The following ZNF282 variants were observed in gnomAD, a reference collection of about 807,000 sequenced individuals.
ZNF282 encodes HTLV-I U5 repressive element-binding protein 1.
ZNF282 carries 30 observed loss-of-function variants against 61.9 expected under a neutral mutation model. The ratio of observed to expected loss-of-function variants is 0.48; its 90% CI spans 0.36 to 0.66. The LOEUF is 0.66. Ranked by LOEUF, ZNF282 falls within the 30% of genes least tolerant of loss-of-function variation. ZNF282 has a pLI of 0.00. For synonymous variants in ZNF282, 396 were observed against 405.0 expected, an observed-to-expected ratio of 0.98 and a Z score of 0.27; for missense variants, 788 against 941.4, an observed-to-expected ratio of 0.84 and a Z score of 2.13.
At chr7:149,197,915 G>A (rs1335001011) in intron 1 of ZNF282, among the ~76,000 whole-genome samples, 1 of 152,262 alleles carries the variant, frequency 6.6e-6, no homozygotes, top group Non-Finnish European at 1.5e-5. Flanking sequence ...AACCTGCTGA[G>A]AGATTGCTGG....
intron 7 of ZNF282, among the ~76,000 whole-genome samples, chr7:149,218,319 T>A (rs1796190509): frequency 6.6e-6 from 1 of 152,164 alleles, no homozygotes; most frequent in Non-Finnish European, 1.5e-5. Flanking sequence ...CAGATTCAGA[T>A]GCACTTTGAG....
rs1311840427 is a variant in ZNF282 at position 149,224,607 on chromosome 7, G to A, written c.1976G>A (p.Gly659Asp). 7.7e-6 allele frequency: 12 copies of A among 1,552,536 alleles called. No homozygotes were observed. Among genetic ancestry groups the A allele is most frequent in the African/African-American group, 1.4e-5 (1 of 73,470 alleles). Residue 659 changes from glycine (G) to aspartate (D), a missense_variant, in exon 8 of 8, where the codon GGC (glycine) becomes GAC (aspartate). By Grantham distance (94) the Gly-to-Asp change is moderately conservative. Around this residue, in one of 3 missense-constraint regions of ZNF282, gnomAD observed 559 missense variants for 642.0 expected, o/e 0.87. Coordinates refer to ENST00000610704, the MANE Select transcript of ZNF282 (RefSeq NM_003575.4). ...GTGCACAGCGGCGGCCCGGGCCCCG[G>A]CGCCCCACGGCAGCTCCCGCCGCCT... The part of the protein sequence containing the change: ...LRVHSGGPGP[G>D]APRQLPPPPE...
At chr7:149,212,296 C>A in intron 5 of ZNF282, 62 bp from the exon 6 acceptor site, 2 of 1,159,886 alleles carry the variant, frequency 1.7e-6, no homozygotes, top group South Asian at 1.5e-5. Context: ...TTACTCAAAA[C>A]ACAAACTTGC....
chr7:149,199,418 C>A (rs900099895), intron 2 of ZNF282, among the ~76,000 whole-genome samples: 3 of 151,900 alleles, frequency 2.0e-5, no homozygotes, highest in Non-Finnish European at 4.4e-5. Context: ...CAGGAGGTCA[C>A]CCCCAGCGTC....
chr7:149,223,698 G>C, intron 7 of ZNF282, 114 bp from the exon 8 acceptor site: 1 of 1,166,286 alleles, frequency 8.6e-7, no homozygotes, highest in Non-Finnish European at 1.1e-6. Flanking sequence ...GCAATCCCTC[G>C]TAGTTAGTGG....
chr7:149,202,801 G>T (rs1449445272), intron 2 of ZNF282, among the ~76,000 whole-genome samples: 1 of 152,114 alleles, frequency 6.6e-6, no homozygotes, highest in African/African-American at 2.4e-5. Flanking sequence ...TTCTTGGTTG[G>T]TTTTCCCCAA....
At chr7:149,211,842 A>C (rs1796089860) in intron 5 of ZNF282, among the ~76,000 whole-genome samples, 1 of 152,208 alleles carries the variant, frequency 6.6e-6, no homozygotes, top group Admixed American at 6.5e-5. Flanking sequence ...AGAAGGCAAT[A>C]AGGTGTAAAT....
At chr7:149,213,844 G>T in intron 7 of ZNF282, 30 bp downstream of exon 7, 2 of 1,549,576 alleles carry the variant, frequency 1.3e-6, no homozygotes, top group South Asian at 2.2e-5. Flanking sequence ...AGACCCTGGG[G>T]TTTCTTCTCT....
At chr7:149,209,675 T>C (rs1247777074) in intron 4 of ZNF282, among the ~76,000 whole-genome samples, 1 of 152,130 alleles carries the variant, frequency 6.6e-6, no homozygotes, top group Non-Finnish European at 1.5e-5. Context: ...ACTCATCCAC[T>C]GAGTTGGTGC....
chr7:149,199,294 G>A (rs1455923292), intron 2 of ZNF282, among the ~76,000 whole-genome samples: 2 of 152,106 alleles, frequency 1.3e-5, no homozygotes, highest in African/African-American at 2.4e-5. Context: ...CTGAGAGAAC[G>A]GAGTCACCCA....
Position 149,198,611 on chromosome 7 carries a change from G to A in ZNF282, c.444G>A (p.Glu148=), listed in dbSNP as rs201364526. The change falls in exon 2 of 8, where the codon GAG becomes GAA. Residue 148 remains glutamate (E), a synonymous_variant. Coordinates refer to ENST00000610704, the MANE Select transcript of ZNF282 (RefSeq NM_003575.4). The surrounding 1 kb of genome is among the most constrained non-coding windows in gnomAD (Gnocchi z 4.3). ...KTAVEFGNHM[E]SKWAVLGTLL... is the part of the protein sequence containing the mutation. ...CCGTGGAATTTGGGAACCACATGGA[G>A]AGCAAGTGGGCCGTGCTGGGGACCC... is the stretch of plus-strand genomic sequence containing the variant. 2 of 1,614,186 alleles carry A rather than the reference G, an allele frequency of 1.2e-6. No homozygotes were observed. The highest frequency in any genetic ancestry group is 3.3e-5 in the Admixed American group (2 of 60,018).
chr7:149,216,929 G>A (rs537172926), intron 7 of ZNF282, among the ~76,000 whole-genome samples: 1 of 152,248 alleles, frequency 6.6e-6, no homozygotes, highest in African/African-American at 2.4e-5. Flanking sequence ...TGTAAGACAA[G>A]AAGAAGATTC....
chr7:149,217,399 A>AACAC (rs1287591987), intron 7 of ZNF282, among the ~76,000 whole-genome samples: 1 of 152,078 alleles, frequency 6.6e-6, no homozygotes, highest in African/African-American at 2.4e-5. Flanking sequence ...CAAACAAACA[A>AACAC]ACAAACAAAA....
chr7:149,213,775 G>T lies in ZNF282; in HGVS notation c.1141G>T (p.Asp381Tyr). Residue 381 changes from aspartate (D) to tyrosine (Y), a missense_variant, in exon 7 of 8, where the codon GAC becomes TAC. Physicochemically the swap from Asp to Tyr is radical, Grantham distance 160. Around this residue, in one of 3 missense-constraint regions of ZNF282, gnomAD observed 559 missense variants for 642.0 expected, o/e 0.87. Transcript: ENST00000610704. ...GCAGCCATACCCATGGGGACCACGC[G>T]ACTCAATGGACGGAGAGCTTGGATT... ...EEQPYPWGPR[D>Y]SMDGELGLDS... 6.2e-7 allele frequency: 1 copy of T among 1,613,916 alleles called. No individual in the cohort carries two copies. Among genetic ancestry groups the T allele is most frequent in the Non-Finnish European group, 8.5e-7 (1 of 1,179,980 alleles).
chr7:149,205,451 A>G (rs1317966233), intron 2 of ZNF282, among the ~76,000 whole-genome samples: 1 of 152,184 alleles, frequency 6.6e-6, no homozygotes, highest in East Asian at 1.9e-4. Context: ...ATAAATAAAT[A>G]AAAATAAAAA....
At chr7:149,210,406 C>T (rs557557284) in intron 4 of ZNF282, among the ~76,000 whole-genome samples, 179 bp from the exon 5 acceptor site, 4 of 152,314 alleles carry the variant, frequency 2.6e-5, no homozygotes, top group South Asian at 2.1e-4. Flanking sequence ...AATAGGAACC[C>T]GAGACCCCTG....
At chr7:149,202,975 G>A (rs565324115) in intron 2 of ZNF282, among the ~76,000 whole-genome samples, 107 of 152,250 alleles carry the variant, frequency 7.0e-4, no homozygotes, top group Middle Eastern at 3.4e-3. Context: ...TGTCTGCTGA[G>A]GCAACCACCC....
At position 149,213,751 on chromosome 7, in the gene ZNF282, C is replaced by G. The variant is rs980752496; in HGVS notation, c.1117C>G (p.Gln373Glu). The G allele has an allele frequency of 2.5e-6, 4 of 1,613,938 alleles. No homozygotes were observed. The Admixed American group carries it at 6.7e-5, about 27-fold the overall frequency. The change falls in exon 7 of 8, where the codon CAG (glutamine) becomes GAG (glutamate). Residue 373 changes from glutamine (Q) to glutamate (E), a missense_variant. Physicochemically the swap from Gln to Glu is conservative, Grantham distance 29 (BLOSUM62 2). Around this residue, in one of 3 missense-constraint regions of ZNF282, gnomAD observed 559 missense variants for 642.0 expected, o/e 0.87. Transcript: ENST00000610704. ...TTTGTCATGGATCAAGCAGGAGGAGCAGCCATACCCATGGGGACCACGCGA... is the reference window on the plus strand; with the variant it reads ...TTTGTCATGGATCAAGCAGGAGGAGGAGCCATACCCATGGGGACCACGCGA... ...DILSWIKQEE[Q>E]PYPWGPRDSM...
At chr7:149,195,799 G>C in intron 1 of ZNF282, 45 bp downstream of exon 1, 1 of 1,426,438 alleles carries the variant, frequency 7.0e-7, no homozygotes, top group Non-Finnish European at 9.1e-7. Context: ...CCGTGGGGGC[G>C]GGGCGCGGGC....
Sources: gnomAD v4.1 joint callset for allele counts (sites outside exome capture counted in the v4.1 genomes callset) on GRCh38, gnomAD v4.1.1 for gene constraint, gnomAD v4.1.1 regional missense constraint, Gnocchi (gnomAD v3.1) non-coding constraint, MANE v1.5 for transcripts, NCBI Gene and HGNC (gene_info 2026-07-23, HGNC 2026-07-21) for gene names.